Variants in LYPLAL1 observed in about 807,000 individuals in gnomAD.
LYPLAL1 encodes the protein lysophospholipase like 1.
Under a neutral mutation model 19.7 loss-of-function variants are expected in LYPLAL1, and 23 were observed. That is an observed-to-expected ratio of 1.17 (90% CI 0.84 to 1.65). The LOEUF is 1.65. Ranked by LOEUF, LYPLAL1 falls within the 40% of genes most tolerant of loss-of-function variation. The pLI is 0.00. For synonymous variants in LYPLAL1, 119 were observed against 96.3 expected (o/e 1.24, Z -1.38); for missense variants, 355 against 279.4 (o/e 1.27, Z -1.93).
the LYPLAL1 span, among the ~76,000 whole-genome samples, chr1:219,437,549 G>T: frequency 2.0e-5 from 3 of 151,792 alleles, no homozygotes; most frequent in African/African-American, 7.3e-5. Context: ...GCAATAGGAG[G>T]GATCTCACAT....
chr1:219,295,000 G>A, the LYPLAL1 span, among the ~76,000 whole-genome samples: 1 of 152,034 alleles, frequency 6.6e-6, no homozygotes, highest in African/African-American at 2.4e-5. Flanking sequence ...ATTCCTGGAG[G>A]CACCAGGAGT....
the LYPLAL1 span, among the ~76,000 whole-genome samples, chr1:219,419,233 C>T: frequency 6.6e-6 from 1 of 152,124 alleles, no homozygotes; most frequent in Non-Finnish European, 1.5e-5. Context: ...TAAGAAACTG[C>T]CAAACCATCT....
At chr1:219,344,273 A>G in the LYPLAL1 span, among the ~76,000 whole-genome samples, 3 of 152,286 alleles carry the variant, frequency 2.0e-5, no homozygotes, top group Admixed American at 1.3e-4. Flanking sequence ...GACCATATCC[A>G]GTTTTTATTC....
the LYPLAL1 span, among the ~76,000 whole-genome samples, chr1:219,393,763 A>G: frequency 0.032 from 4,896 of 150,922 alleles, 266 homozygotes; most frequent in African/African-American, 0.11. Context: ...GCAATAGACA[A>G]TCATGACATG....
the LYPLAL1 span, among the ~76,000 whole-genome samples, chr1:219,238,304 ATTTTT>A: frequency 0.26 from 21,427 of 81,880 alleles, 2,638 homozygotes; most frequent in Non-Finnish European, 0.28. Flanking sequence ...CGCCCGGCTA[ATTTTT>A]TTTTTTTTTT....
the LYPLAL1 span, among the ~76,000 whole-genome samples, chr1:219,423,349 CTG>C: frequency 6.6e-6 from 1 of 152,262 alleles, no homozygotes; most frequent in Non-Finnish European, 1.5e-5. Flanking sequence ...ACATTCAACT[CTG>C]TGTTATGGTT....
the LYPLAL1 span, among the ~76,000 whole-genome samples, chr1:219,315,872 A>C: frequency 6.6e-6 from 1 of 152,190 alleles, no homozygotes; most frequent in African/African-American, 2.4e-5. Flanking sequence ...CTAAAAGCTA[A>C]TGGAATAATT....
At chr1:219,433,288 A>G in the LYPLAL1 span, among the ~76,000 whole-genome samples, 1 of 152,170 alleles carries the variant, frequency 6.6e-6, no homozygotes, top group Non-Finnish European at 1.5e-5. Context: ...AATATCACTC[A>G]TCAGAGGTCC....
chr1:219,314,490 G>A, the LYPLAL1 span, among the ~76,000 whole-genome samples: 1 of 152,024 alleles, frequency 6.6e-6, no homozygotes, highest in Non-Finnish European at 1.5e-5. Flanking sequence ...TGTCGCCCAG[G>A]CTGGAGTGCA....
the LYPLAL1 span, among the ~76,000 whole-genome samples, chr1:219,238,205 T>G: frequency 6.8e-6 from 1 of 146,230 alleles, no homozygotes; most frequent in South Asian, 2.2e-4. Context: ...TGGCGCAATC[T>G]CGGCTCTCTG....
At chr1:219,258,099 A>C in the LYPLAL1 span, among the ~76,000 whole-genome samples, 1 of 152,048 alleles carries the variant, frequency 6.6e-6, no homozygotes, top group Non-Finnish European at 1.5e-5. Context: ...GTCAGACCTT[A>C]TGGTTGTCTT....
At chr1:219,340,396 G>T in the LYPLAL1 span, among the ~76,000 whole-genome samples, 2 of 151,980 alleles carry the variant, frequency 1.3e-5, no homozygotes, top group Non-Finnish European at 2.9e-5. Flanking sequence ...ATACAAGAAA[G>T]AATAAGAATT....
the LYPLAL1 span, among the ~76,000 whole-genome samples, chr1:219,319,778 A>G: frequency 2.6e-5 from 4 of 152,194 alleles, no homozygotes; most frequent in Admixed American, 6.5e-5. Flanking sequence ...TTATAAAGCA[A>G]TAACATCAGG....
the LYPLAL1 span, among the ~76,000 whole-genome samples, chr1:219,311,408 G>C: frequency 6.6e-6 from 1 of 152,102 alleles, no homozygotes; most frequent in South Asian, 2.1e-4. Flanking sequence ...GAACATATTT[G>C]CTTGGAACTA....
chr1:219,418,887 G>C, the LYPLAL1 span, among the ~76,000 whole-genome samples: 1 of 152,186 alleles, frequency 6.6e-6, no homozygotes, highest in East Asian at 1.9e-4. Flanking sequence ...ATGTCATATA[G>C]TTGGAATCAT....
chr1:219,308,706 G>T, the LYPLAL1 span, among the ~76,000 whole-genome samples: 1 of 152,168 alleles, frequency 6.6e-6, no homozygotes, highest in Non-Finnish European at 1.5e-5. Flanking sequence ...TCAAGAATTG[G>T]GTTTTGGGAA....
chr1:219,260,904 AG>A, the LYPLAL1 span, among the ~76,000 whole-genome samples: 1 of 151,858 alleles, frequency 6.6e-6, no homozygotes, highest in Non-Finnish European at 1.5e-5. Context: ...AATAATTAAA[AG>A]GTGATTCTCT....
At chr1:219,231,935 T>C in the LYPLAL1 span, among the ~76,000 whole-genome samples, 2 of 152,222 alleles carry the variant, frequency 1.3e-5, no homozygotes, top group African/African-American at 4.8e-5. Flanking sequence ...AATAAATGCT[T>C]TCAGAAATAG....
chr1:219,202,955 G>C (rs1278398622), intron 3 of LYPLAL1, among the ~76,000 whole-genome samples: 1 of 152,056 alleles, frequency 6.6e-6, no homozygotes, highest in Non-Finnish European at 1.5e-5. Context: ...CAGAGTGTTG[G>C]TATTATACCT....
Sources: allele counts gnomAD v4.1 joint callset (sites outside exome capture counted in the v4.1 genomes callset), GRCh38; gene constraint gnomAD v4.1.1; transcripts MANE v1.5; gene names NCBI Gene and HGNC (gene_info 2026-07-23, HGNC 2026-07-21).